The following MAPK10 variants were observed in gnomAD, a reference collection of about 807,000 sequenced individuals.
MAPK10 encodes JNK3 alpha protein kinase.
MAPK10 carries 25 observed loss-of-function variants against 59.3 expected under a neutral mutation model. The ratio of observed to expected loss-of-function variants is 0.42; its 90% CI spans 0.31 to 0.59. The LOEUF is 0.59. Among genes scored for constraint, MAPK10 ranks in the 20% least tolerant of loss-of-function variants. The probability of loss-of-function intolerance (pLI) is 0.15; values close to 1 mark genes in which losing one functional copy is unlikely to be tolerated. For missense variants in MAPK10, 351 were observed against 568.9 expected, an observed-to-expected ratio of 0.62 and a Z score of 3.90; for synonymous variants, 190 against 200.5, an observed-to-expected ratio of 0.95 and a Z score of 0.44.
chr4:86,030,498 T>C (rs1054803724), intron 12 of MAPK10, among the ~76,000 whole-genome samples: 3 of 151,832 alleles, frequency 2.0e-5, no homozygotes, highest in Non-Finnish European at 4.4e-5. Flanking sequence ...GCCCGGCTAA[T>C]TTTTGTATGT....
At chr4:86,086,215 C>T (rs1191283439) in intron 9 of MAPK10, among the ~76,000 whole-genome samples, 1 of 151,518 alleles carries the variant, frequency 6.6e-6, no homozygotes, top group African/African-American at 2.4e-5. Flanking sequence ...TTGAACTCAT[C>T]GAGATAGACA....
chr4:86,394,399 G>A (rs1180003766), intron 1 of MAPK10, among the ~76,000 whole-genome samples: 3 of 152,124 alleles, frequency 2.0e-5, no homozygotes, highest in Non-Finnish European at 4.4e-5. Context: ...TGATTTTTTA[G>A]AGAGACTATA....
chr4:86,101,875 C>A lies in MAPK10; in HGVS notation c.564+19G>T, dbSNP rs2055472530. Reference sequence around the variant, plus strand: ...CTCTTAAAGCATTTGAATTGTAATCCTAGAGAAGGTGTTCTTACCCTGTGA... The same window carrying A: ...CTCTTAAAGCATTTGAATTGTAATCATAGAGAAGGTGTTCTTACCCTGTGA... On this transcript the variant is annotated intron_variant, in intron 7 of 13. Coordinates refer to ENST00000641462, the MANE Select transcript of MAPK10 (RefSeq NM_138982.4). The A allele has an allele frequency of 1.2e-6, 2 of 1,612,810 alleles. No individual in the cohort carries two copies. Among genetic ancestry groups the A allele is most frequent in the South Asian group, 2.2e-5 (2 of 90,968 alleles).
intron 4 of MAPK10, among the ~76,000 whole-genome samples, chr4:86,111,306 G>T (rs1464143219): frequency 6.6e-6 from 1 of 152,142 alleles, no homozygotes; most frequent in Non-Finnish European, 1.5e-5. Context: ...TCTTGTGTCA[G>T]TTTTCAGGGG....
chr4:86,497,834 G>A (rs1403131757), intron 1 of MAPK10, among the ~76,000 whole-genome samples: 1 of 152,156 alleles, frequency 6.6e-6, no homozygotes, highest in Non-Finnish European at 1.5e-5. Context: ...CCTATGCCTA[G>A]AGCACCCCAC....
At chr4:86,379,251 C>T (rs1033033207) in intron 1 of MAPK10, among the ~76,000 whole-genome samples, 1 of 152,234 alleles carries the variant, frequency 6.6e-6, no homozygotes, top group Non-Finnish European at 1.5e-5. Context: ...ACGTCCATCT[C>T]CATCTGCGTG....
chr4:86,062,080 G>A (rs953292264), intron 11 of MAPK10, among the ~76,000 whole-genome samples: 7 of 152,026 alleles, frequency 4.6e-5, no homozygotes, highest in African/African-American at 1.4e-4. Flanking sequence ...TCTTAGTTGT[G>A]ACCACTGTAA....
intron 1 of MAPK10, among the ~76,000 whole-genome samples, chr4:86,460,580 CA>C (rs1751641257): frequency 6.6e-6 from 1 of 152,216 alleles, no homozygotes; most frequent in South Asian, 2.1e-4. Context: ...TGGCCATAAA[CA>C]AAATATCTGC....
chr4:86,508,299 T>C (rs1172214902), intron 1 of MAPK10, among the ~76,000 whole-genome samples: 1 of 152,188 alleles, frequency 6.6e-6, no homozygotes, highest in African/African-American at 2.4e-5. Context: ...TCTTCCATAG[T>C]GAATCTTCTC....
At chr4:86,527,312 C>CAAAAAAAAAAAAAAAAAAAAAAA (rs57390422) in intron 1 of MAPK10, among the ~76,000 whole-genome samples, 5 of 16,196 alleles carry the variant, frequency 3.1e-4, no homozygotes, top group South Asian at 2.3e-3. Context: ...ACACTGTTGC[C>CAAAAAAAAAAAAAAAAAAAAAAA]AAAAAAAAAA....
chr4:86,400,855 A>T (rs955401915), intron 1 of MAPK10, among the ~76,000 whole-genome samples: 1 of 152,190 alleles, frequency 6.6e-6, no homozygotes, highest in Non-Finnish European at 1.5e-5. Flanking sequence ...TCAGTGAAAT[A>T]CAAGTATGCC....
chr4:86,153,681 GA>G, intron 4 of MAPK10, among the ~76,000 whole-genome samples: 1 of 151,652 alleles, frequency 6.6e-6, no homozygotes, highest in South Asian at 2.1e-4. Flanking sequence ...CTTCGTAAAG[GA>G]AAAAAAATGA....
intron 9 of MAPK10, among the ~76,000 whole-genome samples, chr4:86,070,204 T>A (rs2047552671): frequency 6.6e-6 from 1 of 152,178 alleles, no homozygotes; most frequent in Middle Eastern, 3.2e-3. Context: ...TGTCTTTATT[T>A]TAACCAATCC....
At chr4:86,260,862 G>T (rs1163626653) in intron 2 of MAPK10, among the ~76,000 whole-genome samples, 2 of 151,966 alleles carry the variant, frequency 1.3e-5, no homozygotes, top group Non-Finnish European at 2.9e-5. Flanking sequence ...ACTTTACTAA[G>T]TATTTACTAT....
chr4:86,122,805 C>T (rs73837412), intron 4 of MAPK10, among the ~76,000 whole-genome samples: 7,497 of 151,964 alleles, frequency 0.049, 620 homozygotes, highest in African/African-American at 0.17. Context: ...TTCAACATTG[C>T]TTCATTGTCC....
intron 1 of MAPK10, among the ~76,000 whole-genome samples, chr4:86,479,869 T>C (rs747128682): frequency 2.8e-4 from 42 of 151,506 alleles, no homozygotes; most frequent in Non-Finnish European, 4.3e-4. Flanking sequence ...CCCCACAATA[T>C]CCCCCCTTAC....
intron 2 of MAPK10, among the ~76,000 whole-genome samples, chr4:86,316,692 G>C (rs2095794085): frequency 6.6e-6 from 1 of 152,114 alleles, no homozygotes; most frequent in African/African-American, 2.4e-5. Context: ...AATGGTCATT[G>C]ACTAAGAAAG....
intron 2 of MAPK10, among the ~76,000 whole-genome samples, chr4:86,276,516 C>G (rs1455581571): frequency 2.0e-5 from 3 of 152,136 alleles, no homozygotes; most frequent in East Asian, 3.8e-4. Flanking sequence ...GATAAGCAGT[C>G]ACTGGGAAGA....
intron 1 of MAPK10, among the ~76,000 whole-genome samples, chr4:86,585,518 C>T (rs533136246): frequency 1.3e-5 from 2 of 152,252 alleles, no homozygotes; most frequent in Non-Finnish European, 2.9e-5. Context: ...AGGCCTTGGC[C>T]CAGCATCCAA....
Sources: allele counts gnomAD v4.1 joint callset (sites outside exome capture counted in the v4.1 genomes callset), GRCh38; gene constraint gnomAD v4.1.1; transcripts MANE v1.5; gene names NCBI Gene and HGNC (gene_info 2026-07-23, HGNC 2026-07-21).